Variants in IKBKB observed in about 807,000 individuals in gnomAD.
IKBKB encodes the protein inhibitor of nuclear factor kappa-B kinase subunit beta.
IKBKB carries 42 observed loss-of-function variants against 113.6 expected under a neutral mutation model. The ratio of observed to expected loss-of-function variants is 0.37; its 90% CI spans 0.29 to 0.48. IKBKB has a LOEUF of 0.48. Among genes scored for constraint, IKBKB ranks in the 20% least tolerant of loss-of-function variants. IKBKB has a pLI of 0.99. For synonymous variants in IKBKB, 296 were observed against 361.3 expected, an observed-to-expected ratio of 0.82 and a Z score of 2.05; for missense variants, 673 against 939.7, an observed-to-expected ratio of 0.72 and a Z score of 3.71.
At chr8:42,307,481 A>G (rs1367424909) in intron 7 of IKBKB, among the ~76,000 whole-genome samples, 2 of 152,208 alleles carry the variant, frequency 1.3e-5, no homozygotes, top group African/African-American at 2.4e-5. Context: ...ACAGGAGGGA[A>G]GAGTGGGTGA....
At chr8:42,319,843 C>G in intron 15 of IKBKB, 197 bp downstream of exon 15, 1 of 547,952 alleles carries the variant, frequency 1.8e-6, no homozygotes, top group Non-Finnish European at 3.2e-6. Flanking sequence ...TGGCCAGATG[C>G]AAGAGCTGCA....
At chr8:42,280,781 G>T (rs1299374210) in intron 2 of IKBKB, among the ~76,000 whole-genome samples, 1 of 152,174 alleles carries the variant, frequency 6.6e-6, no homozygotes, top group Non-Finnish European at 1.5e-5. Flanking sequence ...GTGTGTACTG[G>T]CTGTTAGAAG....
chr8:42,303,428 C>T (rs1281721394), intron 5 of IKBKB, among the ~76,000 whole-genome samples: 1 of 152,098 alleles, frequency 6.6e-6, no homozygotes, highest in African/African-American at 2.4e-5. Context: ...CCTTGGGCTA[C>T]CAGTGAAGTG....
chr8:42,297,765 T>C (rs1484957789), intron 5 of IKBKB, among the ~76,000 whole-genome samples: 1 of 152,050 alleles, frequency 6.6e-6, no homozygotes, highest in African/African-American at 2.4e-5. Context: ...CGTGGTGGCG[T>C]GTGCCTGTAG....
chr8:42,326,993 G>C (rs1009084163), intron 20 of IKBKB, among the ~76,000 whole-genome samples: 1 of 152,122 alleles, frequency 6.6e-6, no homozygotes, highest in African/African-American at 2.4e-5. Flanking sequence ...ATAATTCAAG[G>C]TTTCTTCTGA....
chr8:42,272,283 T>A, intron 2 of IKBKB, 78 bp downstream of exon 2: 1 of 1,597,422 alleles, frequency 6.3e-7, no homozygotes, highest in Non-Finnish European at 8.6e-7. Flanking sequence ...CTGATCCTGC[T>A]GGGCCAAGGG....
Position 42,332,151 on chromosome 8 carries a change from G to A in IKBKB, c.*1172G>A, listed in dbSNP as rs200035161. ...GATCACAAACAGGTGAGTTTTGTTGGAGAAGAAAGTTGGAGTAGGAGACTT... is the reference window on the plus strand; with the variant it reads ...GATCACAAACAGGTGAGTTTTGTTGAAGAAGAAAGTTGGAGTAGGAGACTT... On this transcript the variant is annotated 3_prime_UTR_variant, in exon 22 of 22. Transcript: ENST00000520810. 3 of 152,264 alleles carry A rather than the reference G, an allele frequency of 2.0e-5. No individual in the cohort carries two copies. The highest frequency in any genetic ancestry group is 4.8e-5 in the African/African-American group (2 of 41,452). The allele number at this position is 152,264 out of a possible 1,614,324, so 9.4% of individuals were successfully genotyped here. A position where few individuals can be genotyped will look rare whatever the true frequency, so the allele number is the denominator to read the frequency against.
At chr8:42,320,300 C>T (rs570711981) in intron 15 of IKBKB, 3 of 174,312 alleles carry the variant, frequency 1.7e-5, no homozygotes, top group African/African-American at 7.2e-5. Context: ...GCTGAGTGCT[C>T]CTCCCCATCT....
chr8:42,297,059 G>A (rs994663314), intron 5 of IKBKB, among the ~76,000 whole-genome samples: 5 of 152,124 alleles, frequency 3.3e-5, no homozygotes, highest in Admixed American at 6.5e-5. Flanking sequence ...GGAACCACAC[G>A]GGTGGGTGCC....
At chr8:42,327,723 C>A (rs1821051156) in intron 20 of IKBKB, among the ~76,000 whole-genome samples, 1 of 150,822 alleles carries the variant, frequency 6.6e-6, no homozygotes, top group South Asian at 2.1e-4. Flanking sequence ...AACTCAGCCT[C>A]CTGGGTTCAA....
chr8:42,320,949 T>C (rs1164740826), intron 16 of IKBKB, 105 bp downstream of exon 16: 7 of 622,326 alleles, frequency 1.1e-5, no homozygotes, highest in African/African-American at 3.8e-5. Context: ...GGGACCATTC[T>C]CTAGAGCATG....
In IKBKB at chr8:42,318,790, G is replaced by A. The variant is rs1819202171; in HGVS notation, c.1364+115G>A. 47 of 1,003,782 alleles carry A rather than the reference G, an allele frequency of 4.7e-5. No homozygotes were observed. In the South Asian group the frequency reaches 7.6e-4, roughly 16 times the overall value. The allele number at this position is 1,003,782 out of a possible 1,614,324, so 62.2% of individuals were successfully genotyped here. ...GAAGCAACCGTTATGAGCAACAAAA[G>A]GAAGACACTGGTTTGGATGGACGGG... On this transcript the variant is annotated intron_variant, in intron 13 of 21. Coordinates refer to ENST00000520810, the MANE Select transcript of IKBKB (RefSeq NM_001556.3).
In IKBKB at chr8:42,311,569, A is replaced by AG. The variant is rs1203024568; in HGVS notation, c.692+2544_692+2545insG. Reference sequence around the variant, plus strand: ...GAGCAAGACTCCATCTTACCAAAAAAAAAAAAAAAGAAAAAAGAAAAGAAA... The same window carrying AG: ...GAGCAAGACTCCATCTTACCAAAAAAGAAAAAAAAAGAAAAAAGAAAAGAAA... On this transcript the variant is annotated intron_variant, in intron 8 of 21. Transcript: ENST00000520810. Among the ~76,000 whole-genome samples, 712 of 150,668 alleles carry AG rather than the reference A, an allele frequency of 4.7e-3. 1 individual carries two copies. The highest frequency in any genetic ancestry group is 8.5e-3 in the Non-Finnish European group (575 of 67,774).
At chr8:42,308,844 C>G in intron 7 of IKBKB, 57 bp from the exon 8 acceptor site, 1 of 1,576,784 alleles carries the variant, frequency 6.3e-7, no homozygotes, top group Non-Finnish European at 8.7e-7. Context: ...CCGCCCCCTC[C>G]TGCCGTGGTC....
At position 42,329,955 on chromosome 8, in the gene IKBKB, AGCC is replaced by A. The variant is rs2130739581; in HGVS notation, c.2205+742_2205+744del. ...TACAAGGGATACCACTGTGAATTGC[AGCC>A]TTTGCTGATGTAGTCGCATGTCCTC... On this transcript the variant is annotated intron_variant, in intron 21 of 21. Coordinates refer to ENST00000520810, the MANE Select transcript of IKBKB (RefSeq NM_001556.3). The A allele has an allele frequency of 5.1e-6, 5 of 985,438 alleles. No homozygotes were observed. The South Asian group carries it at 2.3e-4, about 46-fold the overall frequency. The allele number at this position is 985,438 out of a possible 1,614,324, so 61.0% of individuals were successfully genotyped here.
In IKBKB at chr8:42,331,315, C is replaced by T. The variant is rs1280635448; in HGVS notation, c.*336C>T. ...CCCCACAAACGTTCAGGGGTACAGCCATGGCAGCTCCTTCCTCTGCCGTGA... is the reference window on the plus strand; with the variant it reads ...CCCCACAAACGTTCAGGGGTACAGCTATGGCAGCTCCTTCCTCTGCCGTGA... On this transcript the variant is annotated 3_prime_UTR_variant, in exon 22 of 22. Coordinates refer to ENST00000520810, the MANE Select transcript of IKBKB (RefSeq NM_001556.3). 8 of 702,606 alleles carry T rather than the reference C, an allele frequency of 1.1e-5. No homozygotes were observed. The Admixed American group carries it at 1.6e-4, about 14-fold the overall frequency. 43.5% of individuals were successfully genotyped at this position (702,606 alleles called of 1,614,324 possible). A position where few individuals can be genotyped will look rare whatever the true frequency, so the allele number is the denominator to read the frequency against.
Position 42,331,509 on chromosome 8 carries a change from C to A in IKBKB, c.*530C>A. 1 of 666,652 alleles carries A rather than the reference C, an allele frequency of 1.5e-6. No individual in the cohort carries two copies. The allele number at this position is 666,652 out of a possible 1,614,324, so 41.3% of individuals were successfully genotyped here. ...TTACAGCTTGTGTTTCTTCTGGATT[C>A]AGCTTCTCCTAAACAGACAGTTTAA... On this transcript the variant is annotated 3_prime_UTR_variant, in exon 22 of 22. Transcript: ENST00000520810.
chr8:42,283,320 A>C (rs977142960), intron 2 of IKBKB, among the ~76,000 whole-genome samples: 2 of 152,170 alleles, frequency 1.3e-5, no homozygotes. Flanking sequence ...CCCACCAAGA[A>C]ATCTGGATCC....
At chr8:42,296,808 C>T (rs1308143729) in intron 5 of IKBKB, among the ~76,000 whole-genome samples, 2 of 152,106 alleles carry the variant, frequency 1.3e-5, no homozygotes, top group East Asian at 3.8e-4. Flanking sequence ...ACCGTGGGCA[C>T]GTTACTTACA....
Sources: gnomAD v4.1 joint callset for allele counts (sites outside exome capture counted in the v4.1 genomes callset) on GRCh38, gnomAD v4.1.1 for gene constraint, MANE v1.5 for transcripts, NCBI Gene and HGNC (gene_info 2026-07-23, HGNC 2026-07-21) for gene names.